HERC3: variants seen among roughly 807,000 people sequenced by gnomAD.
HERC3 encodes the protein HECT and RLD domain containing E3 ubiquitin protein ligase 3.
In HERC3, 58 loss-of-function variants were observed where a neutral mutation model predicts 129.9. That is an observed-to-expected ratio of 0.45 (90% CI 0.36 to 0.56). HERC3 has a LOEUF of 0.56. HERC3 is among the 20% of genes least tolerant of loss of function. The pLI is 0.00. For missense variants in HERC3, 835 were observed against 1,244.2 expected (o/e 0.67, Z 4.95); for synonymous variants, 430 against 451.0 (o/e 0.95, Z 0.59).
At chr4:88,687,839 A>T (rs899281312) in intron 23 of HERC3, among the ~76,000 whole-genome samples, 11 of 152,234 alleles carry the variant, frequency 7.2e-5, no homozygotes, top group African/African-American at 2.7e-4. Flanking sequence ...AACAAATTCA[A>T]GTACATTTGA....
At chr4:88,544,901 T>TGGG in the HERC3 span, among the ~76,000 whole-genome samples, 1 of 152,038 alleles carries the variant, frequency 6.6e-6, no homozygotes, top group Admixed American at 6.6e-5. Context: ...GGGCCTGTTG[T>TGGG]GGGGTGGGAT....
intron 21 of HERC3, among the ~76,000 whole-genome samples, chr4:88,685,167 A>G (rs1003620619): frequency 1.3e-5 from 2 of 152,238 alleles, no homozygotes; most frequent in Non-Finnish European, 2.9e-5. Context: ...TAGTTCAACC[A>G]TTGTGGAAGA....
intron 2 of HERC3, among the ~76,000 whole-genome samples, chr4:88,597,195 C>T (rs2149173195): frequency 6.6e-6 from 1 of 152,252 alleles, no homozygotes; most frequent in African/African-American, 2.4e-5. Context: ...CCACTAGTCA[C>T]CTAGGGCTAC....
In HERC3 at chr4:88,707,037, T is replaced by A; in HGVS notation, c.*77T>A. On this transcript the variant is annotated 3_prime_UTR_variant, in exon 26 of 26. Coordinates refer to ENST00000402738, the MANE Select transcript of HERC3 (RefSeq NM_014606.3). ...GGCCTATACAGAAAATCATGGGGAG[T>A]GATTTCTATTTTTTTATTGTCTAAG... 2 of 1,154,074 alleles carry A rather than the reference T, an allele frequency of 1.7e-6. No homozygotes were observed. Among genetic ancestry groups the A allele is most frequent in the Non-Finnish European group, 2.5e-6 (2 of 784,448 alleles). The allele number at this position is 1,154,074 out of a possible 1,614,324, so 71.5% of individuals were successfully genotyped here. A position where few individuals can be genotyped will look rare whatever the true frequency, so the allele number is the denominator to read the frequency against.
chr4:88,623,280 C>T (rs1006354914), intron 3 of HERC3, among the ~76,000 whole-genome samples: 3 of 152,186 alleles, frequency 2.0e-5, no homozygotes, highest in Non-Finnish European at 4.4e-5. Context: ...TTGTGAATCA[C>T]TGCTTTAAAG....
the HERC3 span, among the ~76,000 whole-genome samples, chr4:88,540,559 A>G: frequency 1.3e-5 from 2 of 152,220 alleles, no homozygotes; most frequent in African/African-American, 4.8e-5. Flanking sequence ...TCACCTAGGA[A>G]GGCAGGCCAG....
At position 88,600,562 on chromosome 4, in the gene HERC3, C is replaced by T. The variant is rs184963770; in HGVS notation, c.-30+4948C>T. Among the ~76,000 whole-genome samples the T allele has an allele frequency of 1.7e-3, 252 of 152,382 alleles. 2 individuals are homozygous for T. Among genetic ancestry groups the T allele is most frequent in the African/African-American group, 5.9e-3 (247 of 41,598 alleles). On this transcript the variant is annotated intron_variant, in intron 2 of 25. Transcript: ENST00000402738. ...ACAGTGTTTTTGGCTTTCAGCCTCA[C>T]ATCAGTGCTATCCACTGTGATTTTT...
At chr4:88,589,095 C>CGTGTGTGTGT (rs147850626), upstream of HERC3, among the ~76,000 whole-genome samples, 7 of 151,108 alleles carry the variant, frequency 4.6e-5, no homozygotes, top group Non-Finnish European at 1.0e-4. Flanking sequence ...CGCGTGTGTG[C>CGTGTGTGTGT]GTGTGTGTGT....
intron 3 of HERC3, among the ~76,000 whole-genome samples, chr4:88,622,471 CAT>C (rs56877250): frequency 0.082 from 12,486 of 152,158 alleles, 728 homozygotes; most frequent in South Asian, 0.23. Flanking sequence ...TGTGTGGACA[CAT>C]GTTTTCATTT....
chr4:88,529,919 C>T, the HERC3 span, among the ~76,000 whole-genome samples: 51 of 152,078 alleles, frequency 3.4e-4, 1 homozygote, highest in African/African-American at 8.7e-4. Context: ...ACTATTGATT[C>T]GGTTCAGTAA....
intron 3 of HERC3, among the ~76,000 whole-genome samples, chr4:88,611,041 C>T (rs553998917): frequency 6.6e-6 from 1 of 152,298 alleles, no homozygotes; most frequent in East Asian, 1.9e-4. Flanking sequence ...GGGATTCAGC[C>T]TCGGAATCCA....
the HERC3 span, among the ~76,000 whole-genome samples, chr4:88,542,559 C>G: frequency 6.6e-6 from 1 of 152,094 alleles, no homozygotes; most frequent in Non-Finnish European, 1.5e-5. Context: ...TCAATAGAAA[C>G]AAAGGGAATC....
chr4:88,640,610 A>G (rs1727979587), intron 3 of HERC3, among the ~76,000 whole-genome samples: 1 of 152,224 alleles, frequency 6.6e-6, no homozygotes, highest in South Asian at 2.1e-4. Flanking sequence ...CAGGACAAAT[A>G]GGTAATACAT....
the HERC3 span, among the ~76,000 whole-genome samples, chr4:88,579,226 A>ATATATATATATATATATATATATATATAT: frequency 3.2e-5 from 3 of 93,940 alleles, no homozygotes; most frequent in African/African-American, 3.1e-4. Flanking sequence ...TACTAAAAAA[A>ATATATATATATATATATATATATATATAT]AAAAAAATAT....
chr4:88,607,540 C>T (rs1049287478), intron 3 of HERC3, among the ~76,000 whole-genome samples: 44 of 152,136 alleles, frequency 2.9e-4, no homozygotes, highest in African/African-American at 8.2e-4. Flanking sequence ...CTTGAGTCAC[C>T]GCAACCTCCG....
chr4:88,705,558 AAT>A (rs1447100072), intron 25 of HERC3, among the ~76,000 whole-genome samples: 2 of 152,208 alleles, frequency 1.3e-5, no homozygotes, highest in Admixed American at 6.5e-5. Flanking sequence ...TGAATCATAT[AAT>A]ATGTAGACCT....
At chr4:88,618,018 C>T (rs1393498013) in intron 3 of HERC3, among the ~76,000 whole-genome samples, 1 of 152,076 alleles carries the variant, frequency 6.6e-6, no homozygotes, top group South Asian at 2.1e-4. Flanking sequence ...GAGCTGGAAG[C>T]GAGGATGTTG....
chr4:88,543,588 A>C, the HERC3 span, among the ~76,000 whole-genome samples: 2 of 152,236 alleles, frequency 1.3e-5, no homozygotes, highest in Admixed American at 6.5e-5. Context: ...AAACTACTTT[A>C]AAGTTCATAT....
At chr4:88,637,672 A>G (rs142084827) in intron 3 of HERC3, among the ~76,000 whole-genome samples, 21,908 of 152,170 alleles carry the variant, frequency 0.14, 1,722 homozygotes, top group East Asian at 0.2. Context: ...ACACCCTAAC[A>G]TCACAACTAA....
Sources: gnomAD v4.1 joint callset for allele counts (sites outside exome capture counted in the v4.1 genomes callset) on GRCh38, gnomAD v4.1.1 for gene constraint, MANE v1.5 for transcripts, NCBI Gene and HGNC (gene_info 2026-07-23, HGNC 2026-07-21) for gene names.